EPHA10: variants seen among roughly 807,000 people sequenced by gnomAD.
EPHA10 encodes the protein EPH receptor A10.
EPHA10 carries 120 observed loss-of-function variants against 109.7 expected under a neutral mutation model. The observed-to-expected ratio is 1.09, with a 90% confidence interval of 0.94 to 1.27. EPHA10 has a LOEUF of 1.27. Among genes scored for constraint, EPHA10 ranks in the 50% most tolerant of loss-of-function variants. EPHA10 has a pLI of 0.00. For missense variants in EPHA10, 1,396 were observed against 1,411.1 expected, an observed-to-expected ratio of 0.99 and a Z score of 0.17; for synonymous variants, 640 against 618.9, an observed-to-expected ratio of 1.03 and a Z score of -0.51.
In EPHA10 at chr1:37,719,445, GCT is replaced by G. The variant is rs1557527535; in HGVS notation, c.2723_2724del (p.Glu908AlafsTer74). ...SILSKMVQDP[E>X]PPKCALTTCP... Reference sequence around the variant, plus strand: ...CAGGTAGTCAGGGCACACTTGGGGGGCTCTGGGTCCTGCACCATCTTGCTCAG... The same window carrying G: ...CAGGTAGTCAGGGCACACTTGGGGGGCTGGGTCCTGCACCATCTTGCTCAG... On this transcript the variant is annotated frameshift_variant, in exon 15 of 17. Transcript: ENST00000373048. LOFTEE classifies it high-confidence loss of function. The G allele has an allele frequency of 6.2e-7, 1 of 1,613,672 alleles. No homozygotes were observed. The highest frequency in any genetic ancestry group is 1.7e-5 in the Admixed American group (1 of 60,004).
At chr1:37,743,008 TATA>T (rs535254655) in intron 5 of EPHA10, among the ~76,000 whole-genome samples, 3 of 151,164 alleles carry the variant, frequency 2.0e-5, no homozygotes, top group African/African-American at 4.9e-5. Flanking sequence ...ATAATAATAA[TATA>T]ATAATAATAA....
chr1:37,736,283 C>T (rs1646068814), intron 5 of EPHA10, among the ~76,000 whole-genome samples: 1 of 151,938 alleles, frequency 6.6e-6, no homozygotes, highest in Admixed American at 6.6e-5. Context: ...TCGAGACCAG[C>T]CTGATCAAAT....
At chr1:37,719,001 C>A in intron 15 of EPHA10, 185 bp from the exon 16 acceptor site, 1 of 755,022 alleles carries the variant, frequency 1.3e-6, no homozygotes, top group Non-Finnish European at 2.1e-6. Flanking sequence ...GTTCTTCAGG[C>A]AGGTGGAGGC....
At position 37,718,399 on chromosome 1, in the gene EPHA10, C is replaced by G. The variant is rs1645726643; in HGVS notation, c.3000G>C (p.Gln1000His). Residue 1000 changes from glutamine to histidine, a missense_variant, in exon 17 of 17, where the codon CAG (glutamine) becomes CAC (histidine). Transcript: ENST00000373048. ...GISALQARVL[Q>H]LQGQGVQV ...ACACCTGCACCCCCTGGCCCTGCAGCTGGAGCACTCGTGCCTGCAGGGCGC... is the reference window on the plus strand; with the variant it reads ...ACACCTGCACCCCCTGGCCCTGCAGGTGGAGCACTCGTGCCTGCAGGGCGC... 6.2e-7 allele frequency: 1 copy of G among 1,612,318 alleles called. No homozygotes were observed. Among genetic ancestry groups the G allele is most frequent in the Non-Finnish European group, 8.5e-7 (1 of 1,179,456 alleles).
Position 37,731,496 on chromosome 1 carries a change from G to A in EPHA10, c.1578C>T (p.Val526=), listed in dbSNP as rs1319586945. The change falls in exon 7 of 17, where the codon GTC becomes GTT. Residue 526 remains valine (V), a synonymous_variant. Transcript: ENST00000373048. ...VTNLKPATRY[V]FQIRAASPGP... is the part of the protein sequence containing the mutation. Reference sequence around the variant, plus strand: ...CCGGGGAAGCGGCCCGGATCTGAAAGACGTAGCGGGTAGCCGGCTTCAGGT... The same window carrying A: ...CCGGGGAAGCGGCCCGGATCTGAAAAACGTAGCGGGTAGCCGGCTTCAGGT... 6.2e-7 allele frequency: 1 copy of A among 1,614,144 alleles called. No individual in the cohort carries two copies.
intron 5 of EPHA10, 100 bp downstream of exon 5, chr1:37,752,776 T>C (rs905986308): frequency 1.8e-6 from 1 of 549,568 alleles, no homozygotes; most frequent in Non-Finnish European, 2.1e-6. Context: ...TTCTCTGGGG[T>C]GGGTGGGTGG....
chr1:37,736,476 C>CAGA (rs757723745), intron 5 of EPHA10, among the ~76,000 whole-genome samples: 1 of 57,840 alleles, frequency 1.7e-5, no homozygotes, highest in Non-Finnish European at 3.0e-5. Flanking sequence ...AATTCTGTCT[C>CAGA]AAAAAAAAAA....
intron 5 of EPHA10, among the ~76,000 whole-genome samples, chr1:37,740,210 T>C (rs893587051): frequency 6.6e-6 from 1 of 152,178 alleles, no homozygotes; most frequent in African/African-American, 2.4e-5. Flanking sequence ...GTAAAAAAAA[T>C]GTTGCCCAGG....
Position 37,731,349 on chromosome 1 carries a change from A to G in EPHA10, c.1663+62T>C, listed in dbSNP as rs1402007354. The G allele has an allele frequency of 4.8e-6, 7 of 1,463,466 alleles. No homozygotes were observed. In the African/African-American group the frequency reaches 8.5e-5, roughly 18 times the overall value. 90.7% of individuals were successfully genotyped at this position (1,463,466 alleles called of 1,614,324 possible). ...ACTCTCCCCCTCTATTTGTCTCCCT[A>G]CCTCAGCCCCGTGCAGGGTTCTCTC... On this transcript the variant is annotated intron_variant, in intron 7 of 16. Coordinates refer to ENST00000373048, the MANE Select transcript of EPHA10 (RefSeq NM_001099439.2).
intron 8 of EPHA10, among the ~76,000 whole-genome samples, chr1:37,726,822 G>C (rs1645899532): frequency 6.6e-6 from 1 of 152,236 alleles, no homozygotes; most frequent in Non-Finnish European, 1.5e-5. Context: ...AGCAGCCGGA[G>C]CTTGATTCCT....
Position 37,761,761 on chromosome 1 carries a change from T to C in EPHA10, c.494A>G (p.Asp165Gly). ...CAGCTTCATCTTGCGCTCACCCAGGTCGCCCTGCGTGAAGCTCTCGTCCGC... is the reference window on the plus strand; with the variant it reads ...CAGCTTCATCTTGCGCTCACCCAGGCCGCCCTGCGTGAAGCTCTCGTCCGC... Reference protein sequence around the residue: ...IAADESFTQGDLGERKMKLNT... With the variant: ...IAADESFTQGGLGERKMKLNT... The change falls in exon 3 of 17, where the codon GAC becomes GGC. Residue 165 changes from aspartate (D) to glycine (G), a missense_variant. Transcript: ENST00000373048. The C allele has an allele frequency of 6.2e-7, 1 of 1,613,768 alleles. No individual in the cohort carries two copies. The highest frequency in any genetic ancestry group is 8.5e-7 in the Non-Finnish European group (1 of 1,179,840).
rs1645980346 is a variant in EPHA10 at position 37,731,435 on chromosome 1, T to C, written c.1639A>G (p.Ile547Val). The C allele has an allele frequency of 1.2e-6, 2 of 1,612,230 alleles. No individual in the cohort carries two copies. The highest frequency in any genetic ancestry group is 8.5e-7 in the Non-Finnish European group (1 of 1,179,036). Residue 547 changes from isoleucine to valine, a missense_variant, in exon 7 of 17, where the codon ATT becomes GTT. By Grantham distance (29) the Ile-to-Val change is conservative. Coordinates refer to ENST00000373048, the MANE Select transcript of EPHA10 (RefSeq NM_001099439.2). ...SWEAQSFNPS[I>V]EVQTLGEAAS... ...CCCTCCCCCAGGGTCTGTACTTCAATGCTGGGGTTAAAACTCTGGGCCTCC... is the reference window on the plus strand; with the variant it reads ...CCCTCCCCCAGGGTCTGTACTTCAACGCTGGGGTTAAAACTCTGGGCCTCC...
At chr1:37,722,952 G>A (rs763523103) in intron 10 of EPHA10, 89 bp downstream of exon 10, 1 of 1,593,874 alleles carries the variant, frequency 6.3e-7, no homozygotes, top group Non-Finnish European at 8.6e-7. Flanking sequence ...GTGGGCTTCA[G>A]GATAGAGGTG....
rs1313622250 is a variant in EPHA10, at chr1:37,727,125, C to T, written c.1749G>A (p.Met583Ile). 1 of 1,612,100 alleles carries T rather than the reference C, an allele frequency of 6.2e-7. No homozygotes were observed. The highest frequency in any genetic ancestry group is 8.5e-7 in the Non-Finnish European group (1 of 1,179,074). Residue 583 changes from methionine to isoleucine, a missense_variant, in exon 8 of 17, where the codon ATG (methionine) becomes ATA (isoleucine). Physicochemically the swap from Met to Ile is conservative, Grantham distance 10 (BLOSUM62 1). Transcript: ENST00000373048. Reference protein sequence around the residue: ...ISALLVLGSVMSVLAIWRRPC... With the variant: ...ISALLVLGSVISVLAIWRRPC... Reference sequence around the variant, plus strand: ...ACCTCCTCCAAATGGCCAGCACACTCATCACGGAGCCCAGGACGAGGAGGG... The same window carrying T: ...ACCTCCTCCAAATGGCCAGCACACTTATCACGGAGCCCAGGACGAGGAGGG...
At chr1:37,736,051 G>A (rs1472150133) in intron 5 of EPHA10, among the ~76,000 whole-genome samples, 3 of 152,190 alleles carry the variant, frequency 2.0e-5, no homozygotes, top group Admixed American at 2.0e-4. Flanking sequence ...AAAAGAAGCA[G>A]GAAATTTATC....
downstream of EPHA10, chr1:37,714,908 G>A (rs1235297693): frequency 6.6e-6 from 1 of 152,188 alleles, no homozygotes; most frequent in Non-Finnish European, 1.5e-5. Flanking sequence ...CAAACCCATG[G>A]GTGCTGTGTT....
Position 37,754,651 on chromosome 1 carries a change from A to AG in EPHA10, c.851-282dup, listed in dbSNP as rs35812555. The stretch of plus-strand genomic sequence containing the variant: ...CAGCACTTTGGAAGGCCAAAGCTGG[A>AG]GATCACTTGAGCCCAGGAGTTGGAG... On this transcript the variant is annotated intron_variant, in intron 3 of 16. Coordinates refer to ENST00000373048, the MANE Select transcript of EPHA10 (RefSeq NM_001099439.2). The surrounding 1 kb of genome is among the most constrained non-coding windows in gnomAD (Gnocchi z 4.5). 0.91 allele frequency among the ~76,000 whole-genome samples: 137,735 copies of AG among 152,166 alleles called. 62,548 individuals carry two copies. Among genetic ancestry groups the AG allele is most frequent in the East Asian group, 1 (5,161 of 5,168 alleles).
rs114973143 is a variant in EPHA10 at position 37,754,602 on chromosome 1, C to A, written c.851-232G>T. Among the ~76,000 whole-genome samples the A allele has an allele frequency of 6.6e-6, 1 of 151,160 alleles. No individual in the cohort carries two copies. The highest frequency in any genetic ancestry group is 2.4e-5 in the African/African-American group (1 of 40,998). ...TTGAAACATTTTACTTTCAGCCGGG[C>A]GCGGTGGCTCATGCCTGTAATCCCA... On this transcript the variant is annotated intron_variant, in intron 3 of 16. Transcript: ENST00000373048. The surrounding 1 kb of genome is among the most constrained non-coding windows in gnomAD (Gnocchi z 4.5).
intron 5 of EPHA10, among the ~76,000 whole-genome samples, chr1:37,740,885 CG>C (rs1466109724): frequency 6.6e-6 from 1 of 151,944 alleles, no homozygotes; most frequent in East Asian, 1.9e-4. Flanking sequence ...CCAGGGAAAA[CG>C]CATAAAAAGA....
Sources: allele counts gnomAD v4.1 joint callset (sites outside exome capture counted in the v4.1 genomes callset), GRCh38; gene constraint gnomAD v4.1.1; non-coding constraint Gnocchi (gnomAD v3.1); transcripts MANE v1.5; gene names NCBI Gene and HGNC (gene_info 2026-07-23, HGNC 2026-07-21).